The following ZNF592 variants were observed in gnomAD, a reference collection of about 807,000 sequenced individuals.
ZNF592 encodes the protein zinc finger protein 592, also known as spinocerebellar ataxia, autosomal recessive 5.
Under a neutral mutation model 80.3 loss-of-function variants are expected in ZNF592, and 11 were observed. The ratio of observed to expected loss-of-function variants is 0.14; its 90% CI spans 0.09 to 0.23. The LOEUF is 0.23. Ranked by LOEUF, ZNF592 falls within the 10% of genes least tolerant of loss-of-function variation. ZNF592 has a pLI of 1.00. For missense variants in ZNF592, 1,420 were observed against 1,633.9 expected, an observed-to-expected ratio of 0.87 and a Z score of 2.26; for synonymous variants, 646 against 640.3, an observed-to-expected ratio of 1.01 and a Z score of -0.13.
In ZNF592 at chr15:84,798,771, G is replaced by A. The variant is rs765109407; in HGVS notation, c.2920G>A (p.Ala974Thr). ...GCCTGAAGCCCACCGCAGGGTGGAA[G>A]CCAGGCCGCGGCTGAGGAACACTGG... Reference protein sequence around the residue: ...GRPEAHRRVEARPRLRNTGWT... With the variant: ...GRPEAHRRVETRPRLRNTGWT... The change falls in exon 8 of 11, where the codon GCC becomes ACC. Residue 974 changes from alanine (A) to threonine (T), a missense_variant. By Grantham distance (58) the Ala-to-Thr change is moderately conservative (BLOSUM62 0). Coordinates refer to ENST00000560079, the MANE Select transcript of ZNF592 (RefSeq NM_014630.3). The surrounding 1 kb of genome is among the most constrained non-coding windows in gnomAD (Gnocchi z 4.5). 1.2e-5 allele frequency: 20 copies of A among 1,605,536 alleles called. No individual in the cohort carries two copies. Among genetic ancestry groups the A allele is most frequent in the Non-Finnish European group, 1.7e-5 (20 of 1,179,738 alleles).
rs188321264 is a variant in ZNF592 at position 84,802,434 on chromosome 15, A to G, written c.*41A>G. On this transcript the variant is annotated 3_prime_UTR_variant, in exon 11 of 11. Transcript: ENST00000560079. ...TGTGCATGGTCAGGGGTGGTGCCGA[A>G]GTGTCTTCCACCTGCCCTGCGGACC... 5.6e-6 allele frequency: 9 copies of G among 1,608,738 alleles called. No homozygotes were observed. In the East Asian group the frequency reaches 1.6e-4, roughly 28 times the overall value.
At position 84,754,128 on chromosome 15, in the gene ZNF592, C is replaced by A. The variant is rs150132780; in HGVS notation, c.-259+5464C>A. On this transcript the variant is annotated intron_variant, in intron 1 of 10. Transcript: ENST00000560079. ...TGGCTCAGAGAAAAGTTAATGAATA[C>A]CTTTCGAGTTTGGTGCCACGGCAGT... is the stretch of plus-strand genomic sequence containing the variant. 2.8e-3 allele frequency among the ~76,000 whole-genome samples: 429 copies of A among 152,246 alleles called. 3 individuals carry two copies. Among genetic ancestry groups the A allele is most frequent in the African/African-American group, 9.7e-3 (405 of 41,542 alleles).
intron 5 of ZNF592, among the ~76,000 whole-genome samples, chr15:84,793,396 C>CGGAT (rs1405691856): frequency 2.6e-5 from 4 of 152,112 alleles, no homozygotes; most frequent in Non-Finnish European, 4.4e-5. Context: ...TTTAATTGTA[C>CGGAT]GGATGGATTA....
At position 84,799,795 on chromosome 15, in the gene ZNF592, G is replaced by A. The variant is rs1252644980; in HGVS notation, c.3138-47G>A. 1.4e-5 allele frequency: 22 copies of A among 1,611,350 alleles called. No individual in the cohort carries two copies. The highest frequency in any genetic ancestry group is 1.7e-5 in the Non-Finnish European group (20 of 1,179,874). ...CCTTGGTGTGAATAGCACTGAGGGA[G>A]CCTGCGGCCCGGGCACTTACCTGAC... is the stretch of plus-strand genomic sequence containing the variant. On this transcript the variant is annotated intron_variant, in intron 9 of 10. Coordinates refer to ENST00000560079, the MANE Select transcript of ZNF592 (RefSeq NM_014630.3). This position sits in a 1 kb window ranked among gnomAD's most constrained non-coding sequence, Gnocchi z 4.2.
rs775222086 is a variant in ZNF592, at chr15:84,782,897, C to T, written c.222C>T (p.Ser74=). The change falls in exon 4 of 11, where the codon AGC becomes AGT. Residue 74 remains serine, a synonymous_variant. Coordinates refer to ENST00000560079, the MANE Select transcript of ZNF592 (RefSeq NM_014630.3). ...PAVSVIVKNT[S]RQESFEAEKD... ...TGAGTGTCATTGTCAAGAACACCAG[C>T]CGCCAGGAGTCATTTGAAGCGGAGA... 6.2e-7 allele frequency: 1 copy of T among 1,614,180 alleles called. No individual in the cohort carries two copies. The highest frequency in any genetic ancestry group is 1.7e-5 in the Admixed American group (1 of 60,030).
chr15:84,759,071 C>G (rs1170056371), intron 1 of ZNF592, among the ~76,000 whole-genome samples: 2 of 152,126 alleles, frequency 1.3e-5, no homozygotes, highest in African/African-American at 4.8e-5. Flanking sequence ...GGAACAACCT[C>G]AAGATTTTAA....
chr15:84,794,313 T>A (rs1230917291), intron 5 of ZNF592, among the ~76,000 whole-genome samples: 1 of 152,212 alleles, frequency 6.6e-6, no homozygotes, highest in Non-Finnish European at 1.5e-5. Context: ...CCAAAGTGAC[T>A]GCAGCGTTTT....
chr15:84,768,965 T>C lies in ZNF592; in HGVS notation c.-150+4150T>C, dbSNP rs1296397019. 1.3e-5 allele frequency among the ~76,000 whole-genome samples: 2 copies of C among 152,206 alleles called. 1 individual carries two copies. Among genetic ancestry groups the C allele is most frequent in the Middle Eastern group, 6.3e-3 (2 of 316 alleles). On this transcript the variant is annotated intron_variant, in intron 2 of 10. Transcript: ENST00000560079. The stretch of plus-strand genomic sequence containing the variant: ...CTTTCTTTTATTTTTTTTTGAGACA[T>C]GGTGTCCATCTGTTGCCCAGACTGG...
chr15:84,790,080 C>T (rs1227309483), intron 4 of ZNF592, among the ~76,000 whole-genome samples: 2 of 142,526 alleles, frequency 1.4e-5, no homozygotes, highest in African/African-American at 5.2e-5. Context: ...GGAACCCCCG[C>T]CACCCATCCC....
In ZNF592 at chr15:84,798,890, A is replaced by G. The variant is rs754139981; in HGVS notation, c.3024+15A>G. 6.3e-7 allele frequency: 1 copy of G among 1,598,172 alleles called. No homozygotes were observed. The highest frequency in any genetic ancestry group is 1.7e-5 in the Admixed American group (1 of 59,854). On this transcript the variant is annotated intron_variant, in intron 8 of 10. Transcript: ENST00000560079. This position sits in a 1 kb window ranked among gnomAD's most constrained non-coding sequence, Gnocchi z 4.5. Reference sequence around the variant, plus strand: ...GCCACGGTCGGGTAAGTGCAGCCACACAGTCATAATGCAGAGCCCAGTCCT... The same window carrying G: ...GCCACGGTCGGGTAAGTGCAGCCACGCAGTCATAATGCAGAGCCCAGTCCT...
intron 2 of ZNF592, among the ~76,000 whole-genome samples, chr15:84,768,517 C>T (rs1371428127): frequency 6.6e-6 from 1 of 152,076 alleles, no homozygotes; most frequent in African/African-American, 2.4e-5. Flanking sequence ...GGATTACAGG[C>T]ATGAGCCACC....
chr15:84,758,343 C>T (rs1201724852), intron 1 of ZNF592, among the ~76,000 whole-genome samples: 2 of 151,934 alleles, frequency 1.3e-5, no homozygotes, highest in Non-Finnish European at 2.9e-5. Flanking sequence ...AGTGCAGTGG[C>T]GTGATCATGG....
At position 84,784,707 on chromosome 15, in the gene ZNF592, T is replaced by G. The variant is rs149363814; in HGVS notation, c.2032T>G (p.Ser678Ala). The G allele has an allele frequency of 5.6e-6, 9 of 1,613,926 alleles. No homozygotes were observed. The African/African-American group carries it at 1.1e-4, about 19-fold the overall frequency. The part of the protein sequence containing the change: ...NSTAPAAPAP[S>A]SSPKHGLTSG... ...CACGGCACCAGCAGCCCCAGCCCCT[T>G]CATCCTCTCCCAAACATGGCCTCAC... The change falls in exon 4 of 11, where the codon TCA becomes GCA. Residue 678 changes from serine to alanine, a missense_variant. Physicochemically the swap from Ser to Ala is moderately conservative, Grantham distance 99. This residue lies in a region of ZNF592 where 524 missense variants were observed against 628.3 expected (regional missense o/e 0.83). Transcript: ENST00000560079. This position sits in a 1 kb window ranked among gnomAD's most constrained non-coding sequence, Gnocchi z 5.8.
Position 84,783,640 on chromosome 15 carries a change from G to A in ZNF592, c.965G>A (p.Ser322Asn). 6.2e-7 allele frequency: 1 copy of A among 1,614,178 alleles called. No individual in the cohort carries two copies. The highest frequency in any genetic ancestry group is 8.5e-7 in the Non-Finnish European group (1 of 1,180,030). Reference sequence around the variant, plus strand: ...CCCACTAAAGAGAGTTCTAAAGGTAGCCCCAAAATGCCCAAGTCACCAAAG... The same window carrying A: ...CCCACTAAAGAGAGTTCTAAAGGTAACCCCAAAATGCCCAAGTCACCAAAG... Reference protein sequence around the residue: ...SGPTKESSKGSPKMPKSPKSP... With the variant: ...SGPTKESSKGNPKMPKSPKSP... The change falls in exon 4 of 11, where the codon AGC (serine) becomes AAC (asparagine). Residue 322 changes from serine to asparagine, a missense_variant. By Grantham distance (46) the Ser-to-Asn change is conservative. Transcript: ENST00000560079. This position sits in a 1 kb window ranked among gnomAD's most constrained non-coding sequence, Gnocchi z 5.0.
chr15:84,771,746 C>A (rs891728565), intron 2 of ZNF592, among the ~76,000 whole-genome samples: 1 of 151,988 alleles, frequency 6.6e-6, no homozygotes, highest in African/African-American at 2.4e-5. Context: ...TTTTTTTTGC[C>A]ACTGGCTTGA....
In ZNF592 at chr15:84,805,464, C is replaced by G. The variant is rs1214676707; in HGVS notation, c.*3071C>G. On this transcript the variant is annotated 3_prime_UTR_variant, in exon 11 of 11. Transcript: ENST00000560079. ...AAGTTAAACAGATAAGATCCCTTCC[C>G]TTGTAGAAACTACAACTTAATACAG... 2 of 152,594 alleles carry G rather than the reference C, an allele frequency of 1.3e-5. No homozygotes were observed. The highest frequency in any genetic ancestry group is 1.5e-5 in the Non-Finnish European group (1 of 68,044). The allele number at this position is 152,594 out of a possible 1,614,324, so 9.5% of individuals were successfully genotyped here.
intron 10 of ZNF592, among the ~76,000 whole-genome samples, chr15:84,801,342 A>G (rs965417308): frequency 1.6e-4 from 25 of 151,632 alleles, no homozygotes; most frequent in Non-Finnish European, 3.4e-4. Context: ...ATGAAATAAA[A>G]TAAAATAATT....
Position 84,798,619 on chromosome 15 carries a change from A to G in ZNF592, c.2768A>G (p.Glu923Gly), listed in dbSNP as rs61746968. ...STHGVPRNVD[E>G]LSSLQSSADT... The stretch of plus-strand genomic sequence containing the variant: ...CACGGTGTTCCCCGAAATGTGGACG[A>G]GCTGTCAAGCCTCCAGTCTTCAGCG... Residue 923 changes from glutamate to glycine, a missense_variant, in exon 8 of 11, where the codon GAG becomes GGG. Coordinates refer to ENST00000560079, the MANE Select transcript of ZNF592 (RefSeq NM_014630.3). This position sits in a 1 kb window ranked among gnomAD's most constrained non-coding sequence, Gnocchi z 4.5. 6.2e-7 allele frequency: 1 copy of G among 1,614,094 alleles called. No individual in the cohort carries two copies. The highest frequency in any genetic ancestry group is 2.2e-5 in the East Asian group (1 of 44,882).
Position 84,777,694 on chromosome 15 carries a change from C to CCTTTTTTTTTTTTTTTT in ZNF592, c.-149-489_-149-488insCTTTTTTTTTTTTTTTT, listed in dbSNP as rs1432630650. Among the ~76,000 whole-genome samples the CCTTTTTTTTTTTTTTTT allele has an allele frequency of 2.0e-5, 2 of 98,414 alleles. 1 individual carries two copies. Among genetic ancestry groups the CCTTTTTTTTTTTTTTTT allele is most frequent in the Non-Finnish European group, 4.0e-5 (2 of 50,148 alleles). 64.6% of individuals were successfully genotyped at this position (98,414 alleles called of 152,430 possible). ...GAAAATAATTTCGTCTGTTGAGATA[C>CCTTTTTTTTTTTTTTTT]TTTTTTTTTTTTTTTTTTTTTTTGA... On this transcript the variant is annotated intron_variant, in intron 2 of 10. Transcript: ENST00000560079.
Sources: allele counts gnomAD v4.1 joint callset (sites outside exome capture counted in the v4.1 genomes callset), GRCh38; gene constraint gnomAD v4.1.1; regional missense constraint gnomAD v4.1.1; non-coding constraint Gnocchi (gnomAD v3.1); transcripts MANE v1.5; gene names NCBI Gene and HGNC (gene_info 2026-07-23, HGNC 2026-07-21).